HECTD4: variants seen among roughly 807,000 people sequenced by gnomAD.
HECTD4 encodes HECT domain E3 ubiquitin protein ligase 4, also known as probable E3 ubiquitin-protein ligase HECTD4.
A neutral mutation model predicts 471.5 loss-of-function variants in HECTD4; 114 were observed. The ratio of observed to expected loss-of-function variants is 0.24; its 90% confidence interval spans 0.21 to 0.28. The LOEUF (loss-of-function observed/expected upper bound fraction) is 0.28, where lower values mean the gene tolerates loss of function less well. Ranked by LOEUF, HECTD4 falls within the 10% of genes least tolerant of loss-of-function variation. HECTD4 has a pLI of 1.00. For missense variants in HECTD4, 3,866 were observed against 5,651.5 expected (o/e 0.68, Z 10.13); for synonymous variants, 2,012 against 2,256.0 (o/e 0.89, Z 3.07).
intron 44 of HECTD4, among the ~76,000 whole-genome samples, chr12:112,226,197 A>ACACACACACACT (rs1194406354): frequency 5.1e-4 from 77 of 151,914 alleles, no homozygotes; most frequent in South Asian, 2.9e-3. Context: ...TTCCATACAC[A>ACACACACACACT]CACACACACA....
chr12:112,207,463 G>A (rs1300140680), intron 52 of HECTD4, among the ~76,000 whole-genome samples: 1 of 152,116 alleles, frequency 6.6e-6, no homozygotes, highest in Admixed American at 6.5e-5. Context: ...TTAATAAGCA[G>A]GAATCAGGGA....
At chr12:112,249,971 C>G (rs2135587904) in intron 25 of HECTD4, 173 bp downstream of exon 25, 5 of 610,532 alleles carry the variant, frequency 8.2e-6, no homozygotes, top group South Asian at 2.0e-5. Context: ...TTTGAGAGCC[C>G]CTAGTCTGGA....
chr12:112,334,187 C>T (rs2035895056), intron 1 of HECTD4, among the ~76,000 whole-genome samples: 1 of 150,022 alleles, frequency 6.7e-6, no homozygotes, highest in Non-Finnish European at 1.5e-5. Flanking sequence ...CCAGCCTGGG[C>T]GACAGAGCCA....
intron 65 of HECTD4, 92 bp from the exon 66 acceptor site, chr12:112,175,951 T>A: frequency 6.7e-7 from 1 of 1,495,992 alleles, no homozygotes; most frequent in Non-Finnish European, 9.1e-7. Flanking sequence ...GCCTCTCCCC[T>A]ACGGCCCAAC....
intron 13 of HECTD4, among the ~76,000 whole-genome samples, chr12:112,267,561 C>A (rs989626478): frequency 3.3e-5 from 5 of 152,124 alleles, no homozygotes; most frequent in Non-Finnish European, 5.9e-5. Flanking sequence ...TGGCATCCCT[C>A]TCCTCCTCTT....
At chr12:112,323,975 TTCCTTCCTTC>T (rs1566111864) in intron 1 of HECTD4, among the ~76,000 whole-genome samples, 6 of 21,128 alleles carry the variant, frequency 2.8e-4, no homozygotes, top group Admixed American at 1.2e-3. Flanking sequence ...TCTTCCTTCC[TTCCTTCCTTC>T]CTTCCTTCCT....
chr12:112,202,461 C>G (rs747111683), intron 54 of HECTD4, among the ~76,000 whole-genome samples: 10 of 152,188 alleles, frequency 6.6e-5, no homozygotes, highest in Non-Finnish European at 7.3e-5. Context: ...CTGCCTCGGC[C>G]TCCCAAAGTG....
At chr12:112,337,418 C>T (rs1002341379) in intron 1 of HECTD4, among the ~76,000 whole-genome samples, 3 of 152,000 alleles carry the variant, frequency 2.0e-5, no homozygotes, top group African/African-American at 4.8e-5. Flanking sequence ...GAAAGGTTAG[C>T]GTTATCAGAA....
rs544916434 is a variant in HECTD4, at chr12:112,184,451, G to T, written c.10515C>A (p.Ser3505Arg). 33 of 1,605,676 alleles carry T rather than the reference G, an allele frequency of 2.1e-5. No homozygotes were observed. In the South Asian group the frequency reaches 3.5e-4, roughly 17 times the overall value. Reference sequence around the variant, plus strand: ...CAGGCAGCGGATCCACAGAGAGGTCGCTGACGGTTTGGGAGATGCCCTGCG... The same window carrying T: ...CAGGCAGCGGATCCACAGAGAGGTCTCTGACGGTTTGGGAGATGCCCTGCG... ...CSSQGISQTV[S>R]DLSVDPLPAG... The change falls in exon 61 of 76, where the codon AGC becomes AGA. Residue 3505 changes from serine to arginine, a missense_variant. By Grantham distance (110) the Ser-to-Arg change is moderately radical. This residue lies in a region of HECTD4 where 192 missense variants were observed against 189.9 expected (regional missense o/e 1.01). Transcript: ENST00000682272. This position sits in a 1 kb window ranked among gnomAD's most constrained non-coding sequence, Gnocchi z 9.1.
chr12:112,248,642 G>A lies in HECTD4; in HGVS notation c.3951-130C>T, dbSNP rs541845995. 1,476 of 552,684 alleles carry A rather than the reference G, an allele frequency of 2.7e-3. 6 individuals carry two copies. The highest frequency in any genetic ancestry group is 4.4e-3 in the South Asian group (105 of 23,994). The allele number at this position is 552,684 out of a possible 1,614,324, so 34.2% of individuals were successfully genotyped here. ...GTCACCTAGGCTGCAGTTCAGTGGA[G>A]CAATCATGGCTCACTGCAGCCTCAA... is the stretch of plus-strand genomic sequence containing the variant. On this transcript the variant is annotated intron_variant, in intron 25 of 75. Coordinates refer to ENST00000682272, the MANE Select transcript of HECTD4 (RefSeq NM_001388303.1).
At chr12:112,296,319 G>GGGTGT (rs1227114632) in intron 7 of HECTD4, among the ~76,000 whole-genome samples, 1 of 151,724 alleles carries the variant, frequency 6.6e-6, no homozygotes, top group Non-Finnish European at 1.5e-5. Context: ...TGGGTGCAGA[G>GGGTGT]GGTGTAGGTG....
chr12:112,260,470 T>C (rs1383455939), intron 18 of HECTD4, among the ~76,000 whole-genome samples: 1 of 152,160 alleles, frequency 6.6e-6, no homozygotes, highest in Non-Finnish European at 1.5e-5. Flanking sequence ...CAGACAGGGT[T>C]ACGGAAGCAA....
chr12:112,382,358 G>GCCA lies in HECTD4; in HGVS notation c.-231_-230insTGG. 2.6e-6 allele frequency: 1 copy of GCCA among 380,990 alleles called. No individual in the cohort carries two copies. The highest frequency in any genetic ancestry group is 4.5e-5 in the South Asian group (1 of 22,036). The allele number at this position is 380,990 out of a possible 1,614,324, so 23.6% of individuals were successfully genotyped here. A position where few individuals can be genotyped will look rare whatever the true frequency, so the allele number is the denominator to read the frequency against. ...CGCCGCCGCCGCCGCCGCCGCCGCC[G>GCCA]CCCTCAGGAGCAGGATCCGCCTCTG... On this transcript the variant is annotated 5_prime_UTR_variant, in exon 1 of 76. Transcript: ENST00000682272.
intron 1 of HECTD4, among the ~76,000 whole-genome samples, chr12:112,342,143 G>A (rs2036064025): frequency 6.6e-6 from 1 of 152,096 alleles, no homozygotes; most frequent in Admixed American, 6.6e-5. Flanking sequence ...TTGAACTATT[G>A]GTCCTATCCC....
At chr12:112,367,687 G>C (rs1391429723) in intron 1 of HECTD4, among the ~76,000 whole-genome samples, 1 of 151,730 alleles carries the variant, frequency 6.6e-6, no homozygotes, top group Non-Finnish European at 1.5e-5. Flanking sequence ...TGGGTGTGGT[G>C]GCATGCACCT....
intron 2 of HECTD4, 138 bp from the exon 3 acceptor site, chr12:112,314,684 TA>T: frequency 1.2e-4 from 75 of 601,706 alleles, no homozygotes; most frequent in East Asian, 2.0e-4. Flanking sequence ...TGATGTGTTG[TA>T]AAAAAAATAC....
Position 112,319,833 on chromosome 12 carries a change from G to A in HECTD4, c.178-91C>T, listed in dbSNP as rs1826146393. On this transcript the variant is annotated intron_variant, in intron 1 of 75. Coordinates refer to ENST00000682272, the MANE Select transcript of HECTD4 (RefSeq NM_001388303.1). This position sits in a 1 kb window ranked among gnomAD's most constrained non-coding sequence, Gnocchi z 5.3. ...ATATGTTTAATGATATCCCAAAATAGTCAACGCCAAAAATTATTTTAATTA... is the reference window on the plus strand; with the variant it reads ...ATATGTTTAATGATATCCCAAAATAATCAACGCCAAAAATTATTTTAATTA... The A allele has an allele frequency of 3.4e-6, 3 of 890,898 alleles. No homozygotes were observed. In the African/African-American group the frequency reaches 5.2e-5, roughly 15 times the overall value. The allele number at this position is 890,898 out of a possible 1,614,324, so 55.2% of individuals were successfully genotyped here. A position where few individuals can be genotyped will look rare whatever the true frequency, so the allele number is the denominator to read the frequency against.
chr12:112,295,892 C>G (rs937044535), intron 7 of HECTD4, among the ~76,000 whole-genome samples: 3 of 151,862 alleles, frequency 2.0e-5, no homozygotes. Flanking sequence ...AAATCCTTGG[C>G]CTTAAGCTAT....
chr12:112,169,964 G>T, intron 69 of HECTD4: 1 of 554,280 alleles, frequency 1.8e-6, no homozygotes, highest in Non-Finnish European at 3.2e-6. Context: ...TTTCCTCTGC[G>T]CATATCCCCC....
Sources: gnomAD v4.1 joint callset for allele counts (sites outside exome capture counted in the v4.1 genomes callset) on GRCh38, gnomAD v4.1.1 for gene constraint, gnomAD v4.1.1 regional missense constraint, Gnocchi (gnomAD v3.1) non-coding constraint, MANE v1.5 for transcripts, NCBI Gene and HGNC (gene_info 2026-07-23, HGNC 2026-07-21) for gene names.